The following FNIP1 variants were observed in gnomAD, a reference collection of about 807,000 sequenced individuals.
FNIP1 encodes the protein folliculin-interacting protein 1.
FNIP1 carries 40 observed loss-of-function variants against 124.5 expected under a neutral mutation model. The observed-to-expected ratio is 0.32, with a 90% CI of 0.25 to 0.42. The LOEUF is 0.42. FNIP1 is among the 10% of genes least tolerant of loss of function. The pLI, the probability that FNIP1 is intolerant of heterozygous loss-of-function variation, is 1.00. For missense variants in FNIP1, 1,176 were observed against 1,403.7 expected (o/e 0.84, Z 2.59); for synonymous variants, 472 against 470.6 (o/e 1.00, Z -0.04).
In FNIP1 at chr5:131,716,374, G is replaced by A. The variant is rs79289424; in HGVS notation, c.622+191C>T. On this transcript the variant is annotated intron_variant, in intron 6 of 17. Transcript: ENST00000510461. The stretch of plus-strand genomic sequence containing the variant: ...TTATCAGATACAAAATAAATATTGT[G>A]TTCAAATATATGAAAAATATGTTTT... 2.9e-3 allele frequency among the ~76,000 whole-genome samples: 434 copies of A among 152,184 alleles called. 3 individuals are homozygous for A. Among genetic ancestry groups the A allele is most frequent in the African/African-American group, 0.01 (424 of 41,534 alleles).
At chr5:131,704,625 T>G (rs1469479622) in intron 9 of FNIP1, among the ~76,000 whole-genome samples, 1 of 152,182 alleles carries the variant, frequency 6.6e-6, no homozygotes, top group Non-Finnish European at 1.5e-5. Context: ...TGTCTGTTTT[T>G]GATTTCAGGA....
At chr5:131,752,267 T>A (rs549788058) in intron 1 of FNIP1, among the ~76,000 whole-genome samples, 3 of 152,052 alleles carry the variant, frequency 2.0e-5, no homozygotes, top group African/African-American at 7.2e-5. Flanking sequence ...ATGGTCTTCA[T>A]CTCCTGACCT....
At chr5:131,758,368 T>C (rs1055153902) in intron 1 of FNIP1, among the ~76,000 whole-genome samples, 26 of 152,196 alleles carry the variant, frequency 1.7e-4, no homozygotes, top group Admixed American at 6.5e-5. Flanking sequence ...CTCAAGTGTT[T>C]AGAATGATCT....
intron 17 of FNIP1, among the ~76,000 whole-genome samples, chr5:131,646,507 A>G (rs998521214): frequency 2.0e-5 from 3 of 152,228 alleles, no homozygotes; most frequent in African/African-American, 7.2e-5. Flanking sequence ...TTCAAGAAAT[A>G]ATTCATATGA....
intron 5 of FNIP1, among the ~76,000 whole-genome samples, chr5:131,718,133 T>G (rs1769532930): frequency 6.7e-6 from 1 of 149,556 alleles, no homozygotes; most frequent in Admixed American, 6.7e-5. Flanking sequence ...GAGGTTGCAG[T>G]GAGCTGAGAT....
chr5:131,656,364 T>G (rs1310615368), intron 15 of FNIP1, among the ~76,000 whole-genome samples: 1 of 152,248 alleles, frequency 6.6e-6, no homozygotes, highest in Non-Finnish European at 1.5e-5. Context: ...AGGAAATTTG[T>G]GAAGCTGTCA....
At chr5:131,781,879 C>T (rs1386733836) in intron 1 of FNIP1, among the ~76,000 whole-genome samples, 3 of 152,100 alleles carry the variant, frequency 2.0e-5, no homozygotes, top group Admixed American at 6.5e-5. Context: ...ATTTTAGGGC[C>T]AGGTGTGGTG....
intron 11 of FNIP1, among the ~76,000 whole-genome samples, chr5:131,690,863 G>A (rs533821430): frequency 1.1e-4 from 16 of 152,248 alleles, no homozygotes; most frequent in African/African-American, 3.9e-4. Flanking sequence ...CAAAGTATGT[G>A]AGGCAAAAAC....
rs1045722087 is a variant in FNIP1, at chr5:131,796,928, C to T, written c.-7G>A. On this transcript the variant is annotated 5_prime_UTR_variant, in exon 1 of 18. Transcript: ENST00000510461. ...GGAACAGCGTAGGGGCCATGCTAGC[C>T]ACGGCCAGGCAGGGGTCGCTCCGCT... The T allele has an allele frequency of 6.3e-7, 1 of 1,596,632 alleles. No homozygotes were observed. The highest frequency in any genetic ancestry group is 8.5e-7 in the Non-Finnish European group (1 of 1,172,264).
intron 1 of FNIP1, among the ~76,000 whole-genome samples, chr5:131,793,571 A>C (rs1772480498): frequency 6.6e-6 from 1 of 152,204 alleles, no homozygotes; most frequent in Admixed American, 6.5e-5. Flanking sequence ...AAGCACATAG[A>C]AATCGATATG....
chr5:131,693,309 TATATATACAC>T (rs1414269948), intron 11 of FNIP1, among the ~76,000 whole-genome samples: 1 of 29,972 alleles, frequency 3.3e-5, no homozygotes, highest in African/African-American at 9.9e-5. Flanking sequence ...TATATATATA[TATATATACAC>T]ATATATATAT....
chr5:131,693,338 A>ATATATG (rs1179421376), intron 11 of FNIP1, among the ~76,000 whole-genome samples: 22 of 121,102 alleles, frequency 1.8e-4, no homozygotes, highest in East Asian at 9.4e-4. Context: ...ATATACATAT[A>ATATATG]TATATATATA....
chr5:131,796,816 C>T lies in FNIP1; in HGVS notation c.92+14G>A. 6.4e-7 allele frequency: 1 copy of T among 1,567,484 alleles called. No homozygotes were observed. Among genetic ancestry groups the T allele is most frequent in the Non-Finnish European group, 8.6e-7 (1 of 1,156,724 alleles). On this transcript the variant is annotated intron_variant, in intron 1 of 17. Transcript: ENST00000510461. The stretch of plus-strand genomic sequence containing the variant: ...GGCCATCGGCTCCGCGACCCCCGCC[C>T]CACAGCGCCCTACCTGAACCCGCAA...
chr5:131,669,322 T>G (rs1174228758), intron 15 of FNIP1, among the ~76,000 whole-genome samples: 1 of 152,086 alleles, frequency 6.6e-6, no homozygotes, highest in Non-Finnish European at 1.5e-5. Flanking sequence ...TTCCAGAAAA[T>G]AGAGGATGTG....
chr5:131,703,258 G>A (rs1397979359), intron 10 of FNIP1, among the ~76,000 whole-genome samples: 3 of 152,096 alleles, frequency 2.0e-5, no homozygotes, highest in African/African-American at 4.8e-5. Flanking sequence ...TCACTAAAGT[G>A]GTTTGCGTAT....
chr5:131,773,423 G>A (rs1395322332), intron 1 of FNIP1, among the ~76,000 whole-genome samples: 1 of 152,128 alleles, frequency 6.6e-6, no homozygotes, highest in Non-Finnish European at 1.5e-5. Flanking sequence ...GTGGTTTGGT[G>A]TGCCTGTCAA....
At chr5:131,669,803 C>T (rs1323175664) in intron 15 of FNIP1, among the ~76,000 whole-genome samples, 1 of 151,852 alleles carries the variant, frequency 6.6e-6, no homozygotes, top group East Asian at 1.9e-4. Flanking sequence ...TAACAACATA[C>T]TTAATCATGA....
intron 16 of FNIP1, among the ~76,000 whole-genome samples, chr5:131,650,506 C>T (rs1308196927): frequency 1.3e-5 from 2 of 152,272 alleles, no homozygotes; most frequent in East Asian, 3.9e-4. Flanking sequence ...ATTAGCTCTA[C>T]CAGTTTTCTG....
chr5:131,665,683 A>G (rs113847201), intron 15 of FNIP1, among the ~76,000 whole-genome samples: 181 of 148,702 alleles, frequency 1.2e-3, no homozygotes, highest in African/African-American at 4.0e-3. Context: ...TCTGCCTCCC[A>G]GGTTCAAGCG....
Sources: gnomAD v4.1 joint callset for allele counts (sites outside exome capture counted in the v4.1 genomes callset) on GRCh38, gnomAD v4.1.1 for gene constraint, MANE v1.5 for transcripts, NCBI Gene and HGNC (gene_info 2026-07-23, HGNC 2026-07-21) for gene names.